Variants in ERC2 observed in about 807,000 individuals in gnomAD.
The protein encoded by ERC2 is ELKS/RAB6-interacting/CAST family member 2.
ERC2 carries 42 observed loss-of-function variants against 114.8 expected under a neutral mutation model. The ratio of observed to expected loss-of-function variants is 0.37; its 90% confidence interval spans 0.29 to 0.47. The LOEUF is 0.47. ERC2 is among the 20% of genes least tolerant of loss of function. The probability of loss-of-function intolerance (pLI) is 0.99; values close to 1 mark genes in which losing one functional copy is unlikely to be tolerated. For synonymous variants in ERC2, 454 were observed against 425.5 expected (o/e 1.07, Z -0.82); for missense variants, 939 against 1,150.7 (o/e 0.82, Z 2.66).
At chr3:55,687,775 A>G (rs1367717559) in intron 16 of ERC2, among the ~76,000 whole-genome samples, 1 of 152,264 alleles carries the variant, frequency 6.6e-6, no homozygotes, top group African/African-American at 2.4e-5. Flanking sequence ...TGTGGAATTT[A>G]TGATGTGCCC....
chr3:55,919,495 A>C (rs1488477555), intron 13 of ERC2, among the ~76,000 whole-genome samples: 1 of 152,206 alleles, frequency 6.6e-6, no homozygotes, highest in Non-Finnish European at 1.5e-5. Context: ...AGAAATTAAC[A>C]TGAATTGCCC....
At chr3:55,792,740 T>G (rs1483483459) in intron 14 of ERC2, among the ~76,000 whole-genome samples, 1 of 152,228 alleles carries the variant, frequency 6.6e-6, no homozygotes, top group Non-Finnish European at 1.5e-5. Context: ...TGTGCATGAA[T>G]TTCCCAAAGC....
At chr3:56,423,360 CA>C (rs2061453493) in intron 2 of ERC2, among the ~76,000 whole-genome samples, 1 of 152,228 alleles carries the variant, frequency 6.6e-6, no homozygotes, top group Non-Finnish European at 1.5e-5. Flanking sequence ...TAGACAACGT[CA>C]GGGGCTGTCC....
At chr3:55,734,341 A>G (rs2065489646) in intron 15 of ERC2, among the ~76,000 whole-genome samples, 1 of 152,196 alleles carries the variant, frequency 6.6e-6, no homozygotes, top group Non-Finnish European at 1.5e-5. Flanking sequence ...ATAGGGAATG[A>G]AACCTAAAAA....
chr3:56,303,219 G>T (rs1389149929), intron 2 of ERC2, among the ~76,000 whole-genome samples: 1 of 152,192 alleles, frequency 6.6e-6, no homozygotes, highest in Non-Finnish European at 1.5e-5. Flanking sequence ...AGCACAAATA[G>T]AATTTTTTAC....
intron 5 of ERC2, among the ~76,000 whole-genome samples, chr3:56,140,446 T>G (rs1311756843): frequency 1.3e-5 from 2 of 152,180 alleles, no homozygotes; most frequent in Non-Finnish European, 2.9e-5. Flanking sequence ...CCTACTTTGC[T>G]TTTTTTCCTA....
At chr3:55,565,935 C>T (rs2056341316) in intron 17 of ERC2, among the ~76,000 whole-genome samples, 1 of 152,220 alleles carries the variant, frequency 6.6e-6, no homozygotes, top group African/African-American at 2.4e-5. Flanking sequence ...TCCAAAACTA[C>T]ACTTCTCTCA....
At chr3:56,284,897 G>C (rs1005590216) in intron 3 of ERC2, among the ~76,000 whole-genome samples, 1 of 151,910 alleles carries the variant, frequency 6.6e-6, no homozygotes, top group Non-Finnish European at 1.5e-5. Flanking sequence ...AGAGAGAAGA[G>C]TGCAGTTGGG....
chr3:55,821,114 G>A (rs1219294813), intron 14 of ERC2, among the ~76,000 whole-genome samples: 1 of 152,152 alleles, frequency 6.6e-6, no homozygotes, highest in East Asian at 1.9e-4. Flanking sequence ...TTCTGAAAAT[G>A]AATCCTTTTA....
At chr3:55,690,909 C>T (rs1364095953) in intron 16 of ERC2, among the ~76,000 whole-genome samples, 2 of 152,214 alleles carry the variant, frequency 1.3e-5, no homozygotes, top group African/African-American at 2.4e-5. Flanking sequence ...CCAACTGCTG[C>T]GTAACTCCGC....
intron 14 of ERC2, among the ~76,000 whole-genome samples, chr3:55,790,327 G>A (rs535989787): frequency 3.9e-5 from 6 of 152,168 alleles, no homozygotes; most frequent in East Asian, 3.9e-4. Context: ...CTCTGGAAGC[G>A]CTTCCCCGAG....
intron 7 of ERC2, among the ~76,000 whole-genome samples, chr3:56,022,719 G>T (rs1177485316): frequency 6.6e-6 from 1 of 152,190 alleles, no homozygotes; most frequent in Non-Finnish European, 1.5e-5. Context: ...GGGAAGCCTT[G>T]GGGGTGGAAA....
At chr3:56,170,698 G>A (rs1269853291) in intron 4 of ERC2, among the ~76,000 whole-genome samples, 2 of 145,692 alleles carry the variant, frequency 1.4e-5, no homozygotes, top group African/African-American at 5.1e-5. Context: ...CAGGGTTCAA[G>A]TGATTCTCCT....
Position 56,179,451 on chromosome 3 carries a change from T to C in ERC2, c.1075-5931A>G, listed in dbSNP as rs2150039629. On this transcript the variant is annotated intron_variant, in intron 3 of 17. Coordinates refer to ENST00000288221, the MANE Select transcript of ERC2 (RefSeq NM_015576.3). ...CACTTTCTTAAAGGATTACTCCCAA[T>C]GTTGTATTGCAGCATGGTTTCGGGG... 2.0e-5 allele frequency among the ~76,000 whole-genome samples: 3 copies of C among 152,264 alleles called. No homozygotes were observed. In the South Asian group the frequency reaches 6.2e-4, roughly 32 times the overall value.
intron 2 of ERC2, among the ~76,000 whole-genome samples, chr3:56,306,361 T>C (rs1471576799): frequency 6.6e-6 from 1 of 152,114 alleles, no homozygotes; most frequent in East Asian, 1.9e-4. Flanking sequence ...CTAGAAATAG[T>C]CCATCAACAG....
At position 55,709,737 on chromosome 3, in the gene ERC2, G is replaced by C. The variant is rs78735737; in HGVS notation, c.2713-10225C>G. ...AAACAAAACAAATGACCCCCCAAAG[G>C]GGGAGAGAAGGGATGGGGTGAGCCA... On this transcript the variant is annotated intron_variant, in intron 15 of 17. Transcript: ENST00000288221. Among the ~76,000 whole-genome samples, 686 of 152,316 alleles carry C rather than the reference G, an allele frequency of 4.5e-3. 7 individuals are homozygous for C. The highest frequency in any genetic ancestry group is 0.016 in the African/African-American group (662 of 41,564).
chr3:55,925,845 C>T (rs2065715883), intron 13 of ERC2, among the ~76,000 whole-genome samples: 1 of 152,194 alleles, frequency 6.6e-6, no homozygotes, highest in Admixed American at 6.5e-5. Context: ...AGTATTTCTA[C>T]TGTGTTTCAA....
At chr3:55,920,553 C>A (rs753763709) in intron 13 of ERC2, among the ~76,000 whole-genome samples, 20 of 152,168 alleles carry the variant, frequency 1.3e-4, no homozygotes, top group Non-Finnish European at 2.5e-4. Context: ...ACAATCAACA[C>A]ATTTCATGCA....
chr3:55,974,666 C>T (rs533239978), intron 12 of ERC2, among the ~76,000 whole-genome samples: 2 of 152,304 alleles, frequency 1.3e-5, no homozygotes, highest in South Asian at 2.1e-4. Context: ...CTGCCGTCCA[C>T]GATCCTTGAA....
Sources: gnomAD v4.1 joint callset for allele counts (sites outside exome capture counted in the v4.1 genomes callset) on GRCh38, gnomAD v4.1.1 for gene constraint, MANE v1.5 for transcripts, NCBI Gene and HGNC (gene_info 2026-07-23, HGNC 2026-07-21) for gene names.